CAMKMT: variants seen among roughly 807,000 people sequenced by gnomAD.
CAMKMT encodes calmodulin-lysine N-methyltransferase, also known as CaM KMT.
CAMKMT carries 53 observed loss-of-function variants against 48.0 expected under a neutral mutation model. The observed-to-expected ratio is 1.10, with a 90% CI of 0.89 to 1.39. The LOEUF is 1.39. CAMKMT is among the 40% of genes most tolerant of loss of function. CAMKMT has a pLI of 0.00. For synonymous variants in CAMKMT, 165 were observed against 152.3 expected (o/e 1.08, Z -0.61); for missense variants, 428 against 402.7 (o/e 1.06, Z -0.54).
At position 44,634,864 on chromosome 2, in the gene CAMKMT, G is replaced by A. The variant is rs140487806; in HGVS notation, c.377-69419G>A. ...TGGAAAGGTAGAGAGTTATAAAATA[G>A]CACAGTGTGTTTATAAAGCTAGTTT... On this transcript the variant is annotated intron_variant, in intron 3 of 10. Transcript: ENST00000378494. Among the ~76,000 whole-genome samples the A allele has an allele frequency of 1.3e-4, 19 of 148,342 alleles. No individual in the cohort carries two copies. In the East Asian group the frequency reaches 3.8e-3, roughly 29 times the overall value.
intron 3 of CAMKMT, among the ~76,000 whole-genome samples, chr2:44,520,094 C>T (rs2104794034): frequency 6.6e-6 from 1 of 151,882 alleles, no homozygotes; most frequent in African/African-American, 2.4e-5. Context: ...TGGTGGGCAC[C>T]TGTGGTCCCA....
rs543182110 is a variant in CAMKMT at position 44,768,205 on chromosome 2, TCA to T, written c.894+1647_894+1648del. Among the ~76,000 whole-genome samples the T allele has an allele frequency of 1.1e-3, 166 of 152,034 alleles. 1 individual carries two copies. Among genetic ancestry groups the T allele is most frequent in the South Asian group, 4.4e-3 (21 of 4,804 alleles). The stretch of plus-strand genomic sequence containing the variant: ...GGTCATAATTGCTGAAAAGTCAAAT[TCA>T]CAGTTTGCTGACATTGGTACATTGG... On this transcript the variant is annotated intron_variant, in intron 10 of 10. Coordinates refer to ENST00000378494, the MANE Select transcript of CAMKMT (RefSeq NM_024766.5).
At chr2:44,735,515 G>A (rs1342485181) in intron 7 of CAMKMT, among the ~76,000 whole-genome samples, 1 of 151,798 alleles carries the variant, frequency 6.6e-6, no homozygotes, top group African/African-American at 2.4e-5. Context: ...GTAACTCTTT[G>A]TTTTTTATTT....
chr2:44,615,215 A>G (rs72882993), intron 3 of CAMKMT, among the ~76,000 whole-genome samples: 2,055 of 152,050 alleles, frequency 0.014, 35 homozygotes, highest in African/African-American at 0.041. Flanking sequence ...TTGAATTACT[A>G]TGCCCTGCCT....
intron 3 of CAMKMT, among the ~76,000 whole-genome samples, chr2:44,605,782 G>A (rs1327815453): frequency 6.6e-6 from 1 of 152,086 alleles, no homozygotes; most frequent in African/African-American, 2.4e-5. Context: ...ATTCCTTTGA[G>A]AGTGAGTGCT....
intron 7 of CAMKMT, among the ~76,000 whole-genome samples, chr2:44,736,816 G>A (rs1679379478): frequency 1.3e-5 from 2 of 151,988 alleles, no homozygotes; most frequent in South Asian, 4.1e-4. Flanking sequence ...TTCTTCTCAG[G>A]CATTGTAGTT....
At position 44,408,025 on chromosome 2, in the gene CAMKMT, C is replaced by CTTTT. The variant is rs58443811; in HGVS notation, c.376+17736_376+17739dup. Among the ~76,000 whole-genome samples, 94 of 105,240 alleles carry CTTTT rather than the reference C, an allele frequency of 8.9e-4. 5 individuals carry two copies. Among genetic ancestry groups the CTTTT allele is most frequent in the African/African-American group, 3.1e-3 (84 of 27,146 alleles). 69.0% of individuals were successfully genotyped at this position (105,240 alleles called of 152,430 possible). A position where few individuals can be genotyped will look rare whatever the true frequency, so the allele number is the denominator to read the frequency against. The stretch of plus-strand genomic sequence containing the variant: ...GGCAGAAGACAACAGTAGAGCATGT[C>CTTTT]TTTTTTTTTTTTTTTTTTTGAGATG... On this transcript the variant is annotated intron_variant, in intron 3 of 10. Coordinates refer to ENST00000378494, the MANE Select transcript of CAMKMT (RefSeq NM_024766.5).
In CAMKMT at chr2:44,377,475, G is replaced by A. The variant is rs959659360; in HGVS notation, c.311+4587G>A. On this transcript the variant is annotated intron_variant, in intron 2 of 10. Coordinates refer to ENST00000378494, the MANE Select transcript of CAMKMT (RefSeq NM_024766.5). The stretch of plus-strand genomic sequence containing the variant: ...TATATTGTTGTATAAAGCTTGCTGT[G>A]TAGATACAAGAAATTGTTCCTATCT... Among the ~76,000 whole-genome samples the A allele has an allele frequency of 2.6e-5, 4 of 152,096 alleles. No homozygotes were observed. In the South Asian group the frequency reaches 6.2e-4, roughly 24 times the overall value.
chr2:44,741,309 G>A (rs1012301900), intron 7 of CAMKMT, among the ~76,000 whole-genome samples: 2 of 152,184 alleles, frequency 1.3e-5, no homozygotes, highest in African/African-American at 2.4e-5. Context: ...CTGGAGGAGA[G>A]GAGTGAACAG....
intron 3 of CAMKMT, among the ~76,000 whole-genome samples, chr2:44,422,568 T>C (rs897471282): frequency 4.1e-4 from 62 of 152,230 alleles, no homozygotes; most frequent in African/African-American, 1.3e-3. Flanking sequence ...GGATTCTTAA[T>C]GCTACTTCTG....
At position 44,689,312 on chromosome 2, in the gene CAMKMT, T is replaced by TTTATTTA. The variant is rs1435601194; in HGVS notation, c.377-14971_377-14970insTTATTTA. Among the ~76,000 whole-genome samples, 6 of 57,296 alleles carry TTTATTTA rather than the reference T, an allele frequency of 1.0e-4. No homozygotes were observed. The East Asian group carries it at 2.1e-3, about 20-fold the overall frequency. The allele number at this position is 57,296 out of a possible 152,430, so 37.6% of individuals were successfully genotyped here. A position where few individuals can be genotyped will look rare whatever the true frequency, so the allele number is the denominator to read the frequency against. On this transcript the variant is annotated intron_variant, in intron 3 of 10. Coordinates refer to ENST00000378494, the MANE Select transcript of CAMKMT (RefSeq NM_024766.5). ...TATTTATTTATTTATTTATTTATTT[T>TTTATTTA]GAGACAGGGAGAGTCTCGCTCTGTT...
At chr2:44,419,542 C>G (rs1683787704) in intron 3 of CAMKMT, among the ~76,000 whole-genome samples, 1 of 152,166 alleles carries the variant, frequency 6.6e-6, no homozygotes, top group Admixed American at 6.5e-5. Flanking sequence ...CTCCTCTAGG[C>G]CTCTAGAACA....
In CAMKMT at chr2:44,448,890, C is replaced by G. The variant is rs183887074; in HGVS notation, c.376+58585C>G. On this transcript the variant is annotated intron_variant, in intron 3 of 10. Coordinates refer to ENST00000378494, the MANE Select transcript of CAMKMT (RefSeq NM_024766.5). ...TGTGCTAAGTATAAGAATCCAGTCA[C>G]AAAAGACTATTTTAAGATAGCATTT... 4.7e-4 allele frequency among the ~76,000 whole-genome samples: 71 copies of G among 152,230 alleles called. No individual in the cohort carries two copies. In the East Asian group the frequency reaches 0.013, roughly 29 times the overall value.
At chr2:44,394,697 G>A (rs1028075526) in intron 3 of CAMKMT, among the ~76,000 whole-genome samples, 5 of 152,088 alleles carry the variant, frequency 3.3e-5, no homozygotes, top group African/African-American at 1.2e-4. Context: ...CAAAGTGCTG[G>A]GATTATAGGC....
At chr2:44,536,804 A>G (rs1341053665) in intron 3 of CAMKMT, among the ~76,000 whole-genome samples, 1 of 152,214 alleles carries the variant, frequency 6.6e-6, no homozygotes, top group Non-Finnish European at 1.5e-5. Flanking sequence ...TGGTATCAGT[A>G]TAAAAATTGA....
chr2:44,406,708 C>T (rs1427238715), intron 3 of CAMKMT, among the ~76,000 whole-genome samples: 3 of 152,172 alleles, frequency 2.0e-5, no homozygotes, highest in Non-Finnish European at 4.4e-5. Flanking sequence ...GTGATCCTCC[C>T]ACCTCAGCCT....
At chr2:44,515,154 C>T (rs1670772933) in intron 3 of CAMKMT, among the ~76,000 whole-genome samples, 1 of 152,172 alleles carries the variant, frequency 6.6e-6, no homozygotes. Flanking sequence ...ATATTAGCTA[C>T]AGAGATTTTA....
intron 3 of CAMKMT, among the ~76,000 whole-genome samples, chr2:44,613,412 C>T (rs1671701464): frequency 2.0e-5 from 3 of 152,290 alleles, no homozygotes; most frequent in South Asian, 2.1e-4. Context: ...ATGAATAGCA[C>T]AGCAGCAGGA....
chr2:44,766,503 GTT>G lies in CAMKMT; in HGVS notation c.838_839del (p.Phe280LeufsTer6), dbSNP rs1680847745. The G allele has an allele frequency of 6.2e-7, 1 of 1,613,984 alleles. No individual in the cohort carries two copies. Among genetic ancestry groups the G allele is most frequent in the African/African-American group, 1.3e-5 (1 of 74,892 alleles). ...TTTTGCAATCTAGCTGAAAAAGCTG[GTT>G]TCTGTATCCAAAGACATGAAAATTA... is the stretch of plus-strand genomic sequence containing the variant. On this transcript the variant is annotated frameshift_variant, in exon 10 of 11. Transcript: ENST00000378494. LOFTEE classifies it high-confidence loss of function.
Sources: gnomAD v4.1 joint callset for allele counts (sites outside exome capture counted in the v4.1 genomes callset) on GRCh38, gnomAD v4.1.1 for gene constraint, MANE v1.5 for transcripts, NCBI Gene and HGNC (gene_info 2026-07-23, HGNC 2026-07-21) for gene names.